CDC42EP4: variants seen among roughly 807,000 people sequenced by gnomAD.
CDC42EP4 encodes the protein CDC42 effector protein (Rho GTPase binding) 4.
Under a neutral mutation model 5.6 loss-of-function variants are expected in CDC42EP4, and 6 were observed. The observed-to-expected ratio is 1.07, with a 90% CI of 0.59 to 2.12. The LOEUF is 2.12. Among genes scored for constraint, CDC42EP4 ranks in the 30% most tolerant of loss-of-function variants. The pLI, the probability that CDC42EP4 is intolerant of heterozygous loss-of-function variation, is 0.00. For synonymous variants in CDC42EP4, 230 were observed against 224.2 expected, an observed-to-expected ratio of 1.03 and a Z score of -0.23; for missense variants, 490 against 508.6, an observed-to-expected ratio of 0.96 and a Z score of 0.35.
Position 73,286,156 on chromosome 17 carries a change from A to G in CDC42EP4, c.345T>C (p.Asn115=), listed in dbSNP as rs2062132368. The change falls in exon 2 of 2, where the codon AAT becomes AAC. Residue 115 remains asparagine (N), a synonymous_variant. Transcript: ENST00000335793. The surrounding 1 kb of genome is among the most constrained non-coding windows in gnomAD (Gnocchi z 7.7). The stretch of plus-strand genomic sequence containing the variant: ...CATTGAGCTGGGGCAGGGACATGGC[A>G]TTCTTGACAAACAGGGCCGAGTCCC... ...SLRDSALFVK[N]AMSLPQLNEK... The G allele has an allele frequency of 6.2e-7, 1 of 1,613,960 alleles. No individual in the cohort carries two copies. The highest frequency in any genetic ancestry group is 1.7e-5 in the Admixed American group (1 of 59,996).
chr17:73,304,202 G>T (rs967599981), intron 1 of CDC42EP4, among the ~76,000 whole-genome samples: 2 of 151,836 alleles, frequency 1.3e-5, no homozygotes, highest in African/African-American at 2.4e-5. Flanking sequence ...ACTAAGATTT[G>T]TTGAGCTTTT....
intron 1 of CDC42EP4, among the ~76,000 whole-genome samples, chr17:73,302,661 CCT>C (rs1276529262): frequency 6.6e-6 from 1 of 152,070 alleles, no homozygotes; most frequent in Non-Finnish European, 1.5e-5. Flanking sequence ...AAATTCCTAG[CCT>C]CAAGTGTAAT....
Position 73,285,342 on chromosome 17 carries a change from C to T in CDC42EP4, c.*88G>A. The T allele has an allele frequency of 9.2e-7, 1 of 1,087,624 alleles. No homozygotes were observed. Among genetic ancestry groups the T allele is most frequent in the Non-Finnish European group, 1.3e-6 (1 of 751,634 alleles). The allele number at this position is 1,087,624 out of a possible 1,614,324, so 67.4% of individuals were successfully genotyped here. On this transcript the variant is annotated 3_prime_UTR_variant, in exon 2 of 2. Transcript: ENST00000335793. The surrounding 1 kb of genome is among the most constrained non-coding windows in gnomAD (Gnocchi z 6.8). ...GGTCTGAATCAAGGGTCCTGGCTGC[C>T]CCTGCGCCGTAGGGTCAAAGGTCAT...
At chr17:73,289,211 C>T (rs1338138833) in intron 1 of CDC42EP4, among the ~76,000 whole-genome samples, 1 of 152,126 alleles carries the variant, frequency 6.6e-6, no homozygotes, top group Admixed American at 6.5e-5. Flanking sequence ...ATAAAACTAG[C>T]CGTTGGCCGG....
rs2062128031 is a variant in CDC42EP4 at position 73,285,632 on chromosome 17, G to C, written c.869C>G (p.Ala290Gly). The C allele has an allele frequency of 1.3e-6, 2 of 1,599,662 alleles. No individual in the cohort carries two copies. Among genetic ancestry groups the C allele is most frequent in the Non-Finnish European group, 1.7e-6 (2 of 1,172,144 alleles). Residue 290 changes from alanine (A) to glycine (G), a missense_variant, in exon 2 of 2, where the codon GCC becomes GGC. Ala to Gly is a moderately conservative substitution (Grantham distance 60). Coordinates refer to ENST00000335793, the MANE Select transcript of CDC42EP4 (RefSeq NM_012121.5). The surrounding 1 kb of genome is among the most constrained non-coding windows in gnomAD (Gnocchi z 6.8). ...ALEDEGWAAA[A>G]PSPGSARSMG... ...GCTGCGGGCTGAGCCGGGGCTGGGG[G>C]CCGCTGCTGCCCACCCCTCATCCTC...
rs140467356 is a variant in CDC42EP4 at position 73,283,865 on chromosome 17, G to A, written c.*1565C>T. 1 of 152,370 alleles carries A rather than the reference G, an allele frequency of 6.6e-6. No individual in the cohort carries two copies. Among genetic ancestry groups the A allele is most frequent in the Admixed American group, 6.5e-5 (1 of 15,278 alleles). The allele number at this position is 152,370 out of a possible 1,614,324, so 9.4% of individuals were successfully genotyped here. A position where few individuals can be genotyped will look rare whatever the true frequency, so the allele number is the denominator to read the frequency against. ...GGCAAGAGAGGAGAGTCAGGCAAGA[G>A]AGGAGGGGCCGGGCCACAGTCGCCA... On this transcript the variant is annotated 3_prime_UTR_variant, in exon 2 of 2. Coordinates refer to ENST00000335793, the MANE Select transcript of CDC42EP4 (RefSeq NM_012121.5).
intron 1 of CDC42EP4, among the ~76,000 whole-genome samples, chr17:73,297,996 GA>G (rs34291199): frequency 0.31 from 32,196 of 103,304 alleles, 3,562 homozygotes; most frequent in South Asian, 0.36. Context: ...CAACAACAGC[GA>G]AAAAAAAAAA....
Position 73,286,765 on chromosome 17 carries a change from G to C in CDC42EP4, c.-112-153C>G, listed in dbSNP as rs1331993112. ...AGCAATCCATGGTATAACCCTGCCTGTTTCTTCATCCGCAGGCATTCAGAG... is the reference window on the plus strand; with the variant it reads ...AGCAATCCATGGTATAACCCTGCCTCTTTCTTCATCCGCAGGCATTCAGAG... On this transcript the variant is annotated intron_variant, in intron 1 of 1. Coordinates refer to ENST00000335793, the MANE Select transcript of CDC42EP4 (RefSeq NM_012121.5). This position sits in a 1 kb window ranked among gnomAD's most constrained non-coding sequence, Gnocchi z 7.7. The C allele has an allele frequency of 4.4e-6, 2 of 450,356 alleles. No individual in the cohort carries two copies. Among genetic ancestry groups the C allele is most frequent in the Non-Finnish European group, 7.9e-6 (2 of 253,448 alleles). 27.9% of individuals were successfully genotyped at this position (450,356 alleles called of 1,614,324 possible).
At chr17:73,292,650 T>C (rs903965479) in intron 1 of CDC42EP4, among the ~76,000 whole-genome samples, 5 of 152,160 alleles carry the variant, frequency 3.3e-5, no homozygotes, top group Admixed American at 1.3e-4. Context: ...AGGAGCATCA[T>C]GAGTTGAGAA....
At chr17:73,289,410 T>C (rs551037972) in intron 1 of CDC42EP4, among the ~76,000 whole-genome samples, 1 of 152,194 alleles carries the variant, frequency 6.6e-6, no homozygotes, top group African/African-American at 2.4e-5. Context: ...CAATAACATT[T>C]TATTTACAGA....
At chr17:73,309,504 T>A (rs2062262562) in intron 1 of CDC42EP4, among the ~76,000 whole-genome samples, 1 of 152,058 alleles carries the variant, frequency 6.6e-6, no homozygotes, top group Admixed American at 6.6e-5. Context: ...GCTGTCGGGT[T>A]CCAGAGGCAG....
intron 1 of CDC42EP4, among the ~76,000 whole-genome samples, chr17:73,296,468 T>C (rs1418630442): frequency 6.8e-6 from 1 of 148,122 alleles, no homozygotes; most frequent in Non-Finnish European, 1.5e-5. Flanking sequence ...TGCCCAGTGA[T>C]GGAGGAATGG....
At chr17:73,295,109 G>A (rs1312492943) in intron 1 of CDC42EP4, among the ~76,000 whole-genome samples, 2 of 152,190 alleles carry the variant, frequency 1.3e-5, no homozygotes, top group African/African-American at 2.4e-5. Flanking sequence ...ATTGCGCCTG[G>A]CCCCAGTGGA....
chr17:73,308,791 TG>T (rs2062257500), intron 1 of CDC42EP4, among the ~76,000 whole-genome samples: 1 of 151,780 alleles, frequency 6.6e-6, no homozygotes, highest in South Asian at 2.1e-4. Flanking sequence ...TCCCGGCTCT[TG>T]GGGAGGCCGA....
Position 73,285,408 on chromosome 17 carries a change from C to T in CDC42EP4, c.*22G>A, listed in dbSNP as rs772315493. 33 of 1,526,170 alleles carry T rather than the reference C, an allele frequency of 2.2e-5. No homozygotes were observed. The highest frequency in any genetic ancestry group is 1.8e-4 in the Middle Eastern group (1 of 5,682). The allele number at this position is 1,526,170 out of a possible 1,614,324, so 94.5% of individuals were successfully genotyped here. ...GGGAGAAGATGCAGCCAAGAGCTCC[C>T]GGTGGCCACCCACTGTCCGCCTCAC... is the stretch of plus-strand genomic sequence containing the variant. On this transcript the variant is annotated 3_prime_UTR_variant, in exon 2 of 2. Transcript: ENST00000335793. The surrounding 1 kb of genome is among the most constrained non-coding windows in gnomAD (Gnocchi z 6.8).
At chr17:73,298,556 C>A (rs2062200452) in intron 1 of CDC42EP4, among the ~76,000 whole-genome samples, 1 of 152,236 alleles carries the variant, frequency 6.6e-6, no homozygotes, top group Admixed American at 6.5e-5. Flanking sequence ...CTTGGCTAGA[C>A]TGTCACTACA....
chr17:73,307,710 A>G (rs1473380775), intron 1 of CDC42EP4, among the ~76,000 whole-genome samples: 1 of 150,356 alleles, frequency 6.7e-6, no homozygotes, highest in Non-Finnish European at 1.5e-5. Context: ...GGCCTCCCAA[A>G]GTGCTGGGAT....
intron 1 of CDC42EP4, among the ~76,000 whole-genome samples, chr17:73,308,097 C>T (rs1476699992): frequency 1.3e-5 from 2 of 152,106 alleles, no homozygotes; most frequent in Non-Finnish European, 2.9e-5. Flanking sequence ...GTGTCCAGTG[C>T]CACATGCGGG....
intron 1 of CDC42EP4, among the ~76,000 whole-genome samples, chr17:73,299,022 C>G (rs2062203134): frequency 6.6e-6 from 1 of 151,624 alleles, no homozygotes; most frequent in Non-Finnish European, 1.5e-5. Flanking sequence ...GTGGTGCTAT[C>G]ATGGCTCACT....
Sources: allele counts gnomAD v4.1 joint callset (sites outside exome capture counted in the v4.1 genomes callset), GRCh38; gene constraint gnomAD v4.1.1; non-coding constraint Gnocchi (gnomAD v3.1); transcripts MANE v1.5; gene names NCBI Gene and HGNC (gene_info 2026-07-23, HGNC 2026-07-21).